The following OSBPL7 variants were observed in gnomAD, a reference collection of about 807,000 sequenced individuals.
OSBPL7 encodes oxysterol binding protein like 7.
In OSBPL7, 66 loss-of-function variants were observed where a neutral mutation model predicts 115.8. The ratio of observed to expected loss-of-function variants is 0.57; its 90% CI spans 0.47 to 0.70. The LOEUF (loss-of-function observed/expected upper bound fraction) is 0.70, where lower values mean the gene tolerates loss of function less well. OSBPL7 is among the 30% of genes least tolerant of loss of function. The probability of loss-of-function intolerance (pLI) is 0.00; values close to 1 mark genes in which losing one functional copy is unlikely to be tolerated. For missense variants in OSBPL7, 902 were observed against 1,125.5 expected, an observed-to-expected ratio of 0.80 and a Z score of 2.84; for synonymous variants, 441 against 439.2, an observed-to-expected ratio of 1.00 and a Z score of -0.05.
chr17:47,816,361 C>T lies in OSBPL7; in HGVS notation c.1023+27G>A, dbSNP rs1057095379. ...CTCAGCTTGAAGCCCTCTCCCCGCA[C>T]CAGTCACCCTGTCCCCCAGGCCTCA... On this transcript the variant is annotated intron_variant, in intron 11 of 22. Coordinates refer to ENST00000007414, the MANE Select transcript of OSBPL7 (RefSeq NM_145798.3). This position sits in a 1 kb window ranked among gnomAD's most constrained non-coding sequence, Gnocchi z 5.8. 2.0e-6 allele frequency: 3 copies of T among 1,490,152 alleles called. No homozygotes were observed. In the African/African-American group the frequency reaches 4.2e-5, roughly 21 times the overall value. 92.3% of individuals were successfully genotyped at this position (1,490,152 alleles called of 1,614,324 possible).
At chr17:47,810,950 G>T in intron 16 of OSBPL7, 115 bp from the exon 17 acceptor site, 1 of 1,040,928 alleles carries the variant, frequency 9.6e-7, no homozygotes, top group Non-Finnish European at 1.4e-6. Context: ...TTGGTTCCAG[G>T]TTTCCTGTCC....
At chr17:47,814,478 C>CTG in intron 14 of OSBPL7, 43 bp downstream of exon 14, 1 of 1,296,988 alleles carries the variant, frequency 7.7e-7, no homozygotes. Context: ...CCTGTTTTTC[C>CTG]ACCCGCCTCC....
At chr17:47,811,712 G>C (rs193165969) in intron 16 of OSBPL7, among the ~76,000 whole-genome samples, 181 of 152,306 alleles carry the variant, frequency 1.2e-3, no homozygotes, top group Non-Finnish European at 2.3e-3. Flanking sequence ...GATTCCTTCT[G>C]TCTGGCGGCA....
In OSBPL7 at chr17:47,813,277, T is replaced by G; in HGVS notation, c.1726A>C (p.Ile576Leu). The G allele has an allele frequency of 6.2e-7, 1 of 1,613,960 alleles. No homozygotes were observed. The highest frequency in any genetic ancestry group is 1.1e-5 in the South Asian group (1 of 91,072). The change falls in exon 16 of 23, where the codon ATC (isoleucine) becomes CTC (leucine). Residue 576 changes from isoleucine to leucine, a missense_variant. Around this residue, in one of 3 missense-constraint regions of OSBPL7, gnomAD observed 667 missense variants for 788.7 expected, o/e 0.85. Coordinates refer to ENST00000007414, the MANE Select transcript of OSBPL7 (RefSeq NM_145798.3). ...CERPDRGFRF[I>L]SEQVSHHPPI... ...TCCCAAGGCCATACCTGCTCACTGA[T>G]GAAGCGGAAGCCTCGGTCAGGCCGC... is the stretch of plus-strand genomic sequence containing the variant.
At chr17:47,811,827 T>C (rs556821562) in intron 16 of OSBPL7, among the ~76,000 whole-genome samples, 1 of 152,366 alleles carries the variant, frequency 6.6e-6, no homozygotes, top group South Asian at 2.1e-4. Context: ...ATAAAGATTG[T>C]CTGTTTCTTC....
intron 4 of OSBPL7, 107 bp from the exon 5 acceptor site, chr17:47,819,206 G>A (rs566705565): frequency 5.9e-6 from 5 of 854,658 alleles, no homozygotes; most frequent in African/African-American, 3.3e-5. Flanking sequence ...CCAGGTGGCA[G>A]GTTCACCCTC....
At position 47,816,275 on chromosome 17, in the gene OSBPL7, A is replaced by T. The variant is rs532521377; in HGVS notation, c.1024-73T>A. ...CCCACCTTGCCGCATCTCTGCAGAGACTGCCTCTGCCAACCCCCCACCCTG... is the reference window on the plus strand; with the variant it reads ...CCCACCTTGCCGCATCTCTGCAGAGTCTGCCTCTGCCAACCCCCCACCCTG... On this transcript the variant is annotated intron_variant, in intron 11 of 22. Transcript: ENST00000007414. This position sits in a 1 kb window ranked among gnomAD's most constrained non-coding sequence, Gnocchi z 5.8. The T allele has an allele frequency of 2.2e-5, 33 of 1,493,240 alleles. No individual in the cohort carries two copies. The African/African-American group carries it at 4.5e-4, about 20-fold the overall frequency. The allele number at this position is 1,493,240 out of a possible 1,614,324, so 92.5% of individuals were successfully genotyped here.
At chr17:47,811,699 G>A (rs551265306) in intron 16 of OSBPL7, among the ~76,000 whole-genome samples, 426 of 152,288 alleles carry the variant, frequency 2.8e-3, no homozygotes, top group African/African-American at 1.0e-2. Flanking sequence ...GGGTCAGGGG[G>A]GCGATTCCTT....
chr17:47,820,292 G>A lies in OSBPL7; in HGVS notation c.-14C>T, dbSNP rs1410099623. 1 of 1,611,724 alleles carries A rather than the reference G, an allele frequency of 6.2e-7. No homozygotes were observed. The highest frequency in any genetic ancestry group is 1.1e-5 in the South Asian group (1 of 90,704). On this transcript the variant is annotated 5_prime_UTR_variant, in exon 2 of 23. Coordinates refer to ENST00000007414, the MANE Select transcript of OSBPL7 (RefSeq NM_145798.3). ...TTGGAAGTCCATGGAGAAGGGAGAG[G>A]CCACTCCCTGCTGGGGATGTAGAGC...
At position 47,810,591 on chromosome 17, in the gene OSBPL7, C is replaced by G. The variant is rs369979057; in HGVS notation, c.1880+3G>C. 6 of 1,613,694 alleles carry G rather than the reference C, an allele frequency of 3.7e-6. No homozygotes were observed. In the African/African-American group the frequency reaches 6.7e-5, roughly 18 times the overall value. ...CTGGCTGCTGAGAGTCTAAGAATCC[C>G]ACCTGGGCAGGCTGACGTTGACTGT... On this transcript the variant is annotated splice_donor_region_variant and intron_variant, in intron 18 of 22. Coordinates refer to ENST00000007414, the MANE Select transcript of OSBPL7 (RefSeq NM_145798.3).
rs2033291893 is a variant in OSBPL7, at chr17:47,818,393, G to A, written c.481-7C>T. Reference sequence around the variant, plus strand: ...GAAGCTGGGCACCAGGAACCTGTGGGGTGAGCCCAGGGTCAGGAAGGATGA... The same window carrying A: ...GAAGCTGGGCACCAGGAACCTGTGGAGTGAGCCCAGGGTCAGGAAGGATGA... On this transcript the variant is annotated splice_polypyrimidine_tract_variant and splice_region_variant and intron_variant, in intron 6 of 22. Coordinates refer to ENST00000007414, the MANE Select transcript of OSBPL7 (RefSeq NM_145798.3). 4 of 1,612,154 alleles carry A rather than the reference G, an allele frequency of 2.5e-6. No homozygotes were observed. The highest frequency in any genetic ancestry group is 3.4e-6 in the Non-Finnish European group (4 of 1,178,812).
Position 47,807,537 on chromosome 17 carries a change from C to T in OSBPL7, c.*754G>A, listed in dbSNP as rs1237656835. 6.5e-6 allele frequency: 1 copy of T among 152,680 alleles called. No homozygotes were observed. Among genetic ancestry groups the T allele is most frequent in the Non-Finnish European group, 1.5e-5 (1 of 68,206 alleles). 9.5% of individuals were successfully genotyped at this position (152,680 alleles called of 1,614,324 possible). On this transcript the variant is annotated 3_prime_UTR_variant, in exon 23 of 23. Coordinates refer to ENST00000007414, the MANE Select transcript of OSBPL7 (RefSeq NM_145798.3). Reference sequence around the variant, plus strand: ...AGCAGGGCACAGGCGCACACGCATACACTCTCCTACATGAACTTACACTCA... The same window carrying T: ...AGCAGGGCACAGGCGCACACGCATATACTCTCCTACATGAACTTACACTCA...
intron 16 of OSBPL7, among the ~76,000 whole-genome samples, chr17:47,811,663 C>T (rs1456080195): frequency 6.6e-6 from 1 of 152,234 alleles, no homozygotes; most frequent in African/African-American, 2.4e-5. Context: ...TCATTCGCCT[C>T]CCACAGTCTG....
rs772646490 is a variant in OSBPL7, at chr17:47,808,903, G to A, written c.2258C>T (p.Ser753Leu). Residue 753 changes from serine to leucine, a missense_variant, in exon 21 of 23, where the codon TCG (serine) becomes TTG (leucine). Physicochemically the swap from Ser to Leu is moderately radical, Grantham distance 145. Coordinates refer to ENST00000007414, the MANE Select transcript of OSBPL7 (RefSeq NM_145798.3). This position sits in a 1 kb window ranked among gnomAD's most constrained non-coding sequence, Gnocchi z 6.1. Reference protein sequence around the residue: ...LNELTAELKRSLPSTDTRLRP... With the variant: ...LNELTAELKRLLPSTDTRLRP... ...GAGTCTCGTGTCGGTGGAAGGCAGC[G>A]ACCGTTTCAGCTCTGCTGTCAGCTC... 48 of 1,614,062 alleles carry A rather than the reference G, an allele frequency of 3.0e-5. No homozygotes were observed. The highest frequency in any genetic ancestry group is 1.6e-4 in the Middle Eastern group (1 of 6,084).
intron 14 of OSBPL7, 31 bp downstream of exon 14, chr17:47,814,490 A>AACCCCC: frequency 6.0e-6 from 2 of 334,274 alleles, no homozygotes; most frequent in Non-Finnish European, 1.1e-5. Context: ...CCCGCCTCCC[A>AACCCCC]CCCCTCCCTG....
intron 14 of OSBPL7, among the ~76,000 whole-genome samples, chr17:47,814,258 T>C (rs2033141586): frequency 1.3e-5 from 2 of 152,190 alleles, no homozygotes; most frequent in Non-Finnish European, 2.9e-5. Flanking sequence ...AAGTGGGATC[T>C]CTTGCCTCCC....
intron 12 of OSBPL7, 133 bp from the exon 13 acceptor site, chr17:47,815,485 A>C: frequency 8.5e-7 from 1 of 1,177,424 alleles, no homozygotes; most frequent in Non-Finnish European, 1.2e-6. Flanking sequence ...ACACCTTCTG[A>C]GCAGAAGAGG....
chr17:47,818,394 G>A lies in OSBPL7; in HGVS notation c.481-8C>T. On this transcript the variant is annotated splice_polypyrimidine_tract_variant and splice_region_variant and intron_variant, in intron 6 of 22. Coordinates refer to ENST00000007414, the MANE Select transcript of OSBPL7 (RefSeq NM_145798.3). ...AAGCTGGGCACCAGGAACCTGTGGG[G>A]TGAGCCCAGGGTCAGGAAGGATGAT... 1 of 1,612,216 alleles carries A rather than the reference G, an allele frequency of 6.2e-7. No homozygotes were observed. The highest frequency in any genetic ancestry group is 8.5e-7 in the Non-Finnish European group (1 of 1,178,806).
chr17:47,820,371 A>C lies in OSBPL7; in HGVS notation c.-87-6T>G. On this transcript the variant is annotated splice_polypyrimidine_tract_variant and splice_region_variant and intron_variant, in intron 1 of 22. Coordinates refer to ENST00000007414, the MANE Select transcript of OSBPL7 (RefSeq NM_145798.3). ...CACCTGCTCCTGACGGGGTCCTTGA[A>C]GCAAGAGAAAGACCCCCTTAACGCA... 8.1e-7 allele frequency: 1 copy of C among 1,240,660 alleles called. No homozygotes were observed. The highest frequency in any genetic ancestry group is 1.1e-6 in the Non-Finnish European group (1 of 896,018). 76.9% of individuals were successfully genotyped at this position (1,240,660 alleles called of 1,614,324 possible). A position where few individuals can be genotyped will look rare whatever the true frequency, so the allele number is the denominator to read the frequency against.
Sources: allele counts gnomAD v4.1 joint callset (sites outside exome capture counted in the v4.1 genomes callset), GRCh38; gene constraint gnomAD v4.1.1; regional missense constraint gnomAD v4.1.1; non-coding constraint Gnocchi (gnomAD v3.1); transcripts MANE v1.5; gene names NCBI Gene and HGNC (gene_info 2026-07-23, HGNC 2026-07-21).